The following SGSM1 variants were observed in gnomAD, a reference collection of about 807,000 sequenced individuals.
SGSM1 encodes small G protein signaling modulator 1, also known as RUN and TBC1 domain containing 2.
In SGSM1, 73 loss-of-function variants were observed where a neutral mutation model predicts 133.8. The ratio of observed to expected loss-of-function variants is 0.55; its 90% CI spans 0.45 to 0.66. The LOEUF is 0.66. Among genes scored for constraint, SGSM1 ranks in the 30% least tolerant of loss-of-function variants. SGSM1 has a pLI of 0.00. For synonymous variants in SGSM1, 563 were observed against 573.0 expected, an observed-to-expected ratio of 0.98 and a Z score of 0.25; for missense variants, 1,213 against 1,448.1, an observed-to-expected ratio of 0.84 and a Z score of 2.64.
intron 2 of SGSM1, among the ~76,000 whole-genome samples, chr22:24,812,971 A>G (rs768956900): frequency 6.6e-6 from 1 of 152,208 alleles, no homozygotes; most frequent in East Asian, 1.9e-4. Flanking sequence ...AGAAATATGT[A>G]TTAAAGGTAA....
intron 12 of SGSM1, among the ~76,000 whole-genome samples, chr22:24,872,906 G>A (rs1157867911): frequency 1.3e-5 from 2 of 150,352 alleles, no homozygotes; most frequent in Non-Finnish European, 3.0e-5. Flanking sequence ...GCAACAGAGC[G>A]AGACTCCATC....
chr22:24,912,823 C>T, intron 22 of SGSM1, 71 bp downstream of exon 22: 2 of 1,117,972 alleles, frequency 1.8e-6, no homozygotes, highest in South Asian at 2.7e-5. Context: ...TGGCTCCAGA[C>T]TGAGCTATTT....
intron 2 of SGSM1, among the ~76,000 whole-genome samples, chr22:24,815,770 A>C (rs1346581219): frequency 6.6e-6 from 1 of 152,078 alleles, no homozygotes; most frequent in East Asian, 1.9e-4. Context: ...GAGAGGGGTA[A>C]GGAAAAGGAG....
intron 9 of SGSM1, among the ~76,000 whole-genome samples, chr22:24,864,694 G>A (rs1363244000): frequency 1.3e-5 from 2 of 152,164 alleles, no homozygotes; most frequent in African/African-American, 2.4e-5. Flanking sequence ...AAGACTGATC[G>A]CAAACAGGCA....
intron 20 of SGSM1, among the ~76,000 whole-genome samples, chr22:24,902,755 G>A (rs1933211096): frequency 6.6e-6 from 1 of 151,976 alleles, no homozygotes; most frequent in South Asian, 2.1e-4. Context: ...ACCCATGCTT[G>A]TTAAAAATCT....
At chr22:24,859,028 C>A (rs1930972849) in intron 8 of SGSM1, among the ~76,000 whole-genome samples, 1 of 152,208 alleles carries the variant, frequency 6.6e-6, no homozygotes, top group Non-Finnish European at 1.5e-5. Context: ...TGAAATACTG[C>A]ACTGCTCCTC....
intron 8 of SGSM1, 77 bp downstream of exon 8, chr22:24,855,757 C>G: frequency 1.2e-6 from 2 of 1,608,660 alleles, no homozygotes; most frequent in Non-Finnish European, 1.7e-6. Flanking sequence ...CTCTCTGGCT[C>G]CAGATTGCCA....
At chr22:24,897,860 T>C in intron 18 of SGSM1, 112 bp from the exon 19 acceptor site, 1 of 922,450 alleles carries the variant, frequency 1.1e-6, no homozygotes, top group Non-Finnish European at 1.7e-6. Flanking sequence ...TTCCACTGCA[T>C]GCTTGATCCA....
chr22:24,822,113 CAG>C (rs1928514011), intron 2 of SGSM1, among the ~76,000 whole-genome samples: 1 of 88,868 alleles, frequency 1.1e-5, no homozygotes, highest in Non-Finnish European at 2.2e-5. Context: ...TTTTTTGAGA[CAG>C]AGTCTTGCTC....
chr22:24,893,400 AC>A (rs764374374), intron 16 of SGSM1, 30 bp from the exon 17 acceptor site: 1 of 1,609,330 alleles, frequency 6.2e-7, no homozygotes, highest in Non-Finnish European at 8.5e-7. Context: ...CTTTGTTGAC[AC>A]CTCGGGTGAC....
rs1360436163 is a variant in SGSM1, at chr22:24,886,691, A to G, written c.1733A>G (p.His578Arg). 2.5e-6 allele frequency: 4 copies of G among 1,579,186 alleles called. No individual in the cohort carries two copies. Among genetic ancestry groups the G allele is most frequent in the Non-Finnish European group, 3.4e-6 (4 of 1,162,982 alleles). ...GCCGTGTGGCCCTTCCTCCTGGGCC[A>G]CTACCAGTTCGGGATGACGGAAACA... Reference protein sequence around the residue: ...RKAVWPFLLGHYQFGMTETER... With the variant: ...RKAVWPFLLGRYQFGMTETER... The change falls in exon 16 of 25, where the codon CAC becomes CGC. Residue 578 changes from histidine (H) to arginine (R), a missense_variant. By Grantham distance (29) the His-to-Arg change is conservative. Transcript: ENST00000400358.
chr22:24,859,694 C>T, intron 8 of SGSM1, 22 bp from the exon 9 acceptor site: 1 of 1,613,332 alleles, frequency 6.2e-7, no homozygotes, highest in Non-Finnish European at 8.5e-7. Flanking sequence ...ATGGCCAGAC[C>T]TGAGTCCTCC....
chr22:24,907,259 TCAAA>T (rs1282337342), intron 21 of SGSM1, among the ~76,000 whole-genome samples: 51 of 119,326 alleles, frequency 4.3e-4, no homozygotes, highest in African/African-American at 1.5e-3. Context: ...AAACTCCATC[TCAAA>T]TAAATAAATA....
intron 2 of SGSM1, among the ~76,000 whole-genome samples, chr22:24,824,090 C>T (rs984578668): frequency 6.6e-6 from 1 of 152,054 alleles, no homozygotes; most frequent in African/African-American, 2.4e-5. Flanking sequence ...GCAGGTGTTA[C>T]TCTAGGAGCT....
intron 5 of SGSM1, among the ~76,000 whole-genome samples, chr22:24,850,819 T>G (rs1930412768): frequency 6.6e-6 from 1 of 152,176 alleles, no homozygotes; most frequent in Admixed American, 6.5e-5. Context: ...ATGGTGAGGC[T>G]GGGCGCAATG....
At chr22:24,889,667 T>G (rs80352303) in intron 16 of SGSM1, among the ~76,000 whole-genome samples, 5 of 150,140 alleles carry the variant, frequency 3.3e-5, no homozygotes, top group African/African-American at 1.2e-4. Flanking sequence ...TTTTTTTTTT[T>G]GAGATAGAGT....
intron 2 of SGSM1, among the ~76,000 whole-genome samples, chr22:24,834,074 G>A (rs1046713756): frequency 1.3e-4 from 20 of 152,278 alleles, no homozygotes; most frequent in Non-Finnish European, 2.4e-4. Context: ...ACACAGGCAG[G>A]TGGCCGCGCT....
chr22:24,905,860 G>A (rs996818752), intron 21 of SGSM1, among the ~76,000 whole-genome samples: 2 of 150,706 alleles, frequency 1.3e-5, no homozygotes, highest in Non-Finnish European at 2.9e-5. Flanking sequence ...CAAAAACGTA[G>A]AAAAGGAAGG....
chr22:24,840,804 G>A (rs1929744707), intron 2 of SGSM1, among the ~76,000 whole-genome samples: 1 of 152,058 alleles, frequency 6.6e-6, no homozygotes, highest in Non-Finnish European at 1.5e-5. Context: ...TTTTATAGCA[G>A]CCCATATTGT....
Sources: gnomAD v4.1 joint callset for allele counts (sites outside exome capture counted in the v4.1 genomes callset) on GRCh38, gnomAD v4.1.1 for gene constraint, MANE v1.5 for transcripts, NCBI Gene and HGNC (gene_info 2026-07-23, HGNC 2026-07-21) for gene names.